UTP25: variants seen among roughly 807,000 people sequenced by gnomAD.
UTP25 encodes UTP25 small subunit processome component.
UTP25 carries 50 observed loss-of-function variants against 78.9 expected under a neutral mutation model. That is an observed-to-expected ratio of 0.63 (90% CI 0.50 to 0.80). UTP25 has a LOEUF of 0.80. Ranked by LOEUF, UTP25 falls within the 30% of genes least tolerant of loss-of-function variation. The pLI, the probability that UTP25 is intolerant of heterozygous loss-of-function variation, is 0.00. For missense variants in UTP25, 846 were observed against 911.3 expected (o/e 0.93, Z 0.92); for synonymous variants, 329 against 336.5 (o/e 0.98, Z 0.24).
intron 11 of UTP25, chr1:209,843,966 CAAG>C: frequency 6.8e-6 from 3 of 444,386 alleles, no homozygotes; most frequent in South Asian, 5.6e-5. Flanking sequence ...TTATACACTG[CAAG>C]AAGGACATTA....
In UTP25 at chr1:209,827,977, C is replaced by T. The variant is rs1206332030; in HGVS notation, c.-87C>T. On this transcript the variant is annotated 5_prime_UTR_variant, in exon 1 of 12. Transcript: ENST00000491415. ...CCTTGCTTTCGCCGTAAAGCGCAGT[C>T]AGCGAGCCCACGTGCTTGTGTTGAC... 7 of 1,030,930 alleles carry T rather than the reference C, an allele frequency of 6.8e-6. No individual in the cohort carries two copies. The Middle Eastern group carries it at 7.1e-4, about 104-fold the overall frequency. The allele number at this position is 1,030,930 out of a possible 1,614,324, so 63.9% of individuals were successfully genotyped here.
chr1:209,842,726 G>T (rs757722144), intron 10 of UTP25, 31 bp downstream of exon 10: 1 of 1,521,500 alleles, frequency 6.6e-7, no homozygotes, highest in East Asian at 2.3e-5. Context: ...GGCCCCTGGG[G>T]ACCACATAGA....
chr1:209,830,377 T>C (rs2078095767), intron 2 of UTP25, among the ~76,000 whole-genome samples: 1 of 152,132 alleles, frequency 6.6e-6, no homozygotes, highest in South Asian at 2.1e-4. Context: ...TATTAGGCCC[T>C]GTTACAGAGG....
Position 209,838,963 on chromosome 1 carries a change from A to T in UTP25, c.1117A>T (p.Ile373Phe). ...TGCTTTGCGGGTGGTGCAGCTCTTC[A>T]TCAGCCTCCTCGAGGGTGACAGCAA... ...EAALRVVQLF[I>F]SLLEGDSKKK... Residue 373 changes from isoleucine (I) to phenylalanine (F), a missense_variant, in exon 7 of 12, where the codon ATC (isoleucine) becomes TTC (phenylalanine). Ile to Phe is a conservative substitution (Grantham distance 21). Coordinates refer to ENST00000491415, the MANE Select transcript of UTP25 (RefSeq NM_014388.7). The T allele has an allele frequency of 1.2e-6, 2 of 1,614,112 alleles. No individual in the cohort carries two copies. Among genetic ancestry groups the T allele is most frequent in the Non-Finnish European group, 1.7e-6 (2 of 1,179,992 alleles).
At position 209,842,330 on chromosome 1, in the gene UTP25, G is replaced by GAT. The variant is rs760072950; in HGVS notation, c.1552_1553dup (p.Met518IlefsTer43). On this transcript the variant is annotated frameshift_variant, in exon 9 of 12. Transcript: ENST00000491415. LOFTEE classifies it high-confidence loss of function. ...ATGGGGTAGACTTTTCTCGAGTGCG[G>GAT]ATGTGGAGCCTCAATAATTGGTCCA... The GAT allele has an allele frequency of 6.2e-7, 1 of 1,614,112 alleles. No homozygotes were observed. The highest frequency in any genetic ancestry group is 1.7e-5 in the Admixed American group (1 of 60,020).
chr1:209,832,924 C>T (rs2078111322), intron 3 of UTP25, among the ~76,000 whole-genome samples: 1 of 152,106 alleles, frequency 6.6e-6, no homozygotes, highest in African/African-American at 2.4e-5. Context: ...CAAAAATACC[C>T]TCGCAGAAAC....
In UTP25 at chr1:209,833,351, C is replaced by G; in HGVS notation, c.555C>G (p.Ala185=). The change falls in exon 4 of 12, where the codon GCC becomes GCG. Residue 185 remains alanine, a synonymous_variant. Transcript: ENST00000491415. ...EESGDNSSLK[A]SQDPFLQHVN... ...GTGGAGACAACTCTTCTTTGAAAGC[C>G]TCTCAAGGTCATAGCACAGTGTGTG... The G allele has an allele frequency of 2.5e-6, 4 of 1,569,498 alleles. No homozygotes were observed. The highest frequency in any genetic ancestry group is 3.4e-6 in the Non-Finnish European group (4 of 1,161,640).
At chr1:209,838,031 G>T (rs1004749168) in intron 6 of UTP25, among the ~76,000 whole-genome samples, 1 of 152,132 alleles carries the variant, frequency 6.6e-6, no homozygotes, top group Non-Finnish European at 1.5e-5. Flanking sequence ...TACTGTCACC[G>T]CTGGAACAAT....
chr1:209,851,464 A>G lies in UTP25; in HGVS notation c.*17A>G. 2 of 1,594,810 alleles carry G rather than the reference A, an allele frequency of 1.3e-6. No individual in the cohort carries two copies. Among genetic ancestry groups the G allele is most frequent in the Non-Finnish European group, 8.5e-7 (1 of 1,169,968 alleles). ...GAAAAATGAAATTTTGTTGGGCAGG[A>G]AGTGGTATTTGGCATGATACATAAT... On this transcript the variant is annotated 3_prime_UTR_variant, in exon 12 of 12. Transcript: ENST00000491415.
chr1:209,851,407 C>T lies in UTP25; in HGVS notation c.2231C>T (p.Ser744Phe), dbSNP rs139806047. 28 of 1,611,840 alleles carry T rather than the reference C, an allele frequency of 1.7e-5. No individual in the cohort carries two copies. In the African/African-American group the frequency reaches 2.1e-4, roughly 12 times the overall value. ...GAGCGGGCGGCACAGATGCTACAGT[C>T]CAACAAGAATGTCCACCTCTTCATT... ...GVERAAQMLQ[S>F]NKNVHLFITG... The change falls in exon 12 of 12, where the codon TCC becomes TTC. Residue 744 changes from serine to phenylalanine, a missense_variant. Transcript: ENST00000491415.
At position 209,839,092 on chromosome 1, in the gene UTP25, G is replaced by T. The variant is rs41275346; in HGVS notation, c.1246G>T (p.Val416Leu). 1 of 1,613,340 alleles carries T rather than the reference G, an allele frequency of 6.2e-7. No homozygotes were observed. Among genetic ancestry groups the T allele is most frequent in the Non-Finnish European group, 8.5e-7 (1 of 1,179,494 alleles). Residue 416 changes from valine to leucine, a missense_variant, in exon 7 of 12, where the codon GTA becomes TTA. Coordinates refer to ENST00000491415, the MANE Select transcript of UTP25 (RefSeq NM_014388.7). ...NLKRPEDYEA[V>L]FVGNIDDHFR... ...GAAGAGGCCTGAGGATTATGAAGCCGTATTTGTGGGCAATATTGATGACCA... is the reference window on the plus strand; with the variant it reads ...GAAGAGGCCTGAGGATTATGAAGCCTTATTTGTGGGCAATATTGATGACCA...
Position 209,837,181 on chromosome 1 carries a change from C to T in UTP25, c.1032C>T (p.Asp344=). 1.9e-6 allele frequency: 3 copies of T among 1,614,036 alleles called. No homozygotes were observed. The highest frequency in any genetic ancestry group is 3.3e-5 in the Admixed American group (2 of 60,006). The change falls in exon 6 of 12, where the codon GAC becomes GAT. Residue 344 remains aspartate, a synonymous_variant. Transcript: ENST00000491415. ...AGTTTGGAGTGGGTGATGATGATGA[C>T]TTCAGAGACCAAGGGTTAACAAGGC... is the stretch of plus-strand genomic sequence containing the variant. The part of the protein sequence containing the change: ...SQKFGVGDDD[D]FRDQGLTRPK...
intron 7 of UTP25, among the ~76,000 whole-genome samples, chr1:209,840,555 G>C (rs1258060160): frequency 6.6e-6 from 1 of 152,184 alleles, no homozygotes; most frequent in African/African-American, 2.4e-5. Context: ...AGAATCAGAG[G>C]CCGGATTGCA....
At chr1:209,839,346 A>G (rs1487354576) in intron 7 of UTP25, among the ~76,000 whole-genome samples, 1 of 152,192 alleles carries the variant, frequency 6.6e-6, no homozygotes, top group African/African-American at 2.4e-5. Flanking sequence ...CTGAGGCCAT[A>G]TATGAAAGGC....
chr1:209,844,836 T>C (rs1005825768), intron 11 of UTP25, among the ~76,000 whole-genome samples: 2 of 152,236 alleles, frequency 1.3e-5, no homozygotes, highest in African/African-American at 4.8e-5. Context: ...TTGCATAATA[T>C]GTAAAAGGCT....
intron 11 of UTP25, 72 bp downstream of exon 11, chr1:209,843,768 T>G: frequency 6.5e-7 from 1 of 1,541,048 alleles, no homozygotes; most frequent in Non-Finnish European, 8.8e-7. Context: ...CTGCTCTGAA[T>G]GCATGGCAGG....
In UTP25 at chr1:209,853,237, C is replaced by T. The variant is rs563164395; in HGVS notation, c.*1790C>T. The T allele has an allele frequency of 9.9e-5, 15 of 152,180 alleles. No homozygotes were observed. Among genetic ancestry groups the T allele is most frequent in the African/African-American group, 2.6e-4 (11 of 41,510 alleles). 9.4% of individuals were successfully genotyped at this position (152,180 alleles called of 1,614,324 possible). ...GAACTTTTTGTATCTATAGGCATGC[C>T]CTGTGGTTACTGGCGTAATTGTGCT... On this transcript the variant is annotated 3_prime_UTR_variant, in exon 12 of 12. Coordinates refer to ENST00000491415, the MANE Select transcript of UTP25 (RefSeq NM_014388.7).
chr1:209,838,655 C>G (rs2078148170), intron 6 of UTP25: 1 of 529,382 alleles, frequency 1.9e-6, no homozygotes. Flanking sequence ...AAGGTATTTC[C>G]AAATTCTGCT....
intron 6 of UTP25, among the ~76,000 whole-genome samples, chr1:209,838,430 AATG>A (rs765840045): frequency 7.0e-4 from 107 of 152,054 alleles, no homozygotes; most frequent in Non-Finnish European, 1.4e-3. Flanking sequence ...CTAGAAATGT[AATG>A]ATGTGTTAAT....
Sources: gnomAD v4.1 joint callset for allele counts (sites outside exome capture counted in the v4.1 genomes callset) on GRCh38, gnomAD v4.1.1 for gene constraint, MANE v1.5 for transcripts, NCBI Gene and HGNC (gene_info 2026-07-23, HGNC 2026-07-21) for gene names.